The following CNOT2 variants were observed in gnomAD, a reference collection of about 807,000 sequenced individuals.
The protein encoded by CNOT2 is CCR4-NOT transcription complex subunit 2.
A neutral mutation model predicts 72.1 loss-of-function variants in CNOT2; 7 were observed. That is an observed-to-expected ratio of 0.10 (90% CI 0.06 to 0.18). The LOEUF is 0.18. Ranked by LOEUF, CNOT2 falls within the 10% of genes least tolerant of loss-of-function variation. The pLI, the probability that CNOT2 is intolerant of heterozygous loss-of-function variation, is 1.00. For missense variants in CNOT2, 345 were observed against 660.3 expected, an observed-to-expected ratio of 0.52 and a Z score of 5.23; for synonymous variants, 196 against 225.6, an observed-to-expected ratio of 0.87 and a Z score of 1.17.
chr12:70,346,142 A>T (rs1593288477), intron 14 of CNOT2, 38 bp from the exon 15 acceptor site: 1 of 1,457,472 alleles, frequency 6.9e-7, no homozygotes, highest in East Asian at 2.3e-5. Flanking sequence ...TGTAAGCCAC[A>T]GGAAAAAGTT....
intron 11 of CNOT2, among the ~76,000 whole-genome samples, chr12:70,339,443 T>G (rs923420769): frequency 1.3e-5 from 2 of 152,124 alleles, no homozygotes. Flanking sequence ...AATTCTGTGG[T>G]CAGTCATAAT....
At chr12:70,326,906 G>A (rs1879160947) in intron 4 of CNOT2, among the ~76,000 whole-genome samples, 2 of 151,818 alleles carry the variant, frequency 1.3e-5, no homozygotes, top group South Asian at 4.1e-4. Flanking sequence ...TACGGTCTCT[G>A]TCCAGTTTTA....
At chr12:70,334,516 G>A (rs989372207) in intron 7 of CNOT2, 35 of 152,058 alleles carry the variant, frequency 2.3e-4, no homozygotes, top group African/African-American at 8.2e-4. Context: ...AAAATTAATT[G>A]GGAAGTGGCA....
At position 70,335,554 on chromosome 12, in the gene CNOT2, G is replaced by A; in HGVS notation, c.766G>A (p.Ala256Thr). 1 of 1,610,470 alleles carries A rather than the reference G, an allele frequency of 6.2e-7. No homozygotes were observed. The highest frequency in any genetic ancestry group is 8.5e-7 in the Non-Finnish European group (1 of 1,177,166). ...ATTAATAAACCCCTTGGCTGGAAGA[G>A]CTCCTTATGGTAATTAAGCTTTTTA... ...TPLINPLAGR[A>T]PYVGMVTKPA... Residue 256 changes from alanine (A) to threonine (T), a missense_variant, in exon 8 of 16, where the codon GCT becomes ACT. Transcript: ENST00000229195.
At chr12:70,307,059 A>C (rs1218268365) in intron 2 of CNOT2, among the ~76,000 whole-genome samples, 1 of 152,230 alleles carries the variant, frequency 6.6e-6, no homozygotes, top group Admixed American at 6.5e-5. Flanking sequence ...ACTTATCATA[A>C]ACGGAGCTTG....
intron 2 of CNOT2, among the ~76,000 whole-genome samples, chr12:70,301,041 G>T (rs1873860162): frequency 6.6e-6 from 1 of 152,144 alleles, no homozygotes; most frequent in Admixed American, 6.5e-5. Flanking sequence ...TGGTGTATAA[G>T]AATGCTTGTG....
At chr12:70,251,515 T>C (rs934072999) in intron 1 of CNOT2, among the ~76,000 whole-genome samples, 2 of 152,086 alleles carry the variant, frequency 1.3e-5, no homozygotes, top group Non-Finnish European at 2.9e-5. Flanking sequence ...TTATCTTTTA[T>C]GTGATGAGGG....
At chr12:70,342,502 G>A in intron 13 of CNOT2, 195 bp downstream of exon 13, 1 of 600,044 alleles carries the variant, frequency 1.7e-6, no homozygotes, top group Non-Finnish European at 2.8e-6. Flanking sequence ...TTTAACAACA[G>A]GTTACAACCA....
At chr12:70,265,273 T>TCTTC (rs1229244460) in intron 1 of CNOT2, among the ~76,000 whole-genome samples, 14 of 125,382 alleles carry the variant, frequency 1.1e-4, no homozygotes, top group African/African-American at 3.1e-4. Flanking sequence ...TTCGTTTTGT[T>TCTTC]TCTTCTCTTC....
chr12:70,348,180 G>T (rs77987335), intron 15 of CNOT2: 22,149 of 152,144 alleles, frequency 0.15, 1,948 homozygotes, highest in Admixed American at 0.28. Context: ...CTAGTTTACT[G>T]CTATTGTTTT....
chr12:70,292,278 A>C (rs1872049580), intron 2 of CNOT2, among the ~76,000 whole-genome samples: 2 of 152,192 alleles, frequency 1.3e-5, no homozygotes, highest in African/African-American at 2.4e-5. Context: ...ACATCTGACA[A>C]ACCCCAACTG....
intron 2 of CNOT2, among the ~76,000 whole-genome samples, chr12:70,289,292 A>C (rs1257453862): frequency 6.6e-6 from 1 of 151,964 alleles, no homozygotes; most frequent in Non-Finnish European, 1.5e-5. Flanking sequence ...CTGTCTTCTT[A>C]TTTCCTATGA....
At chr12:70,255,140 A>G (rs1235306520) in intron 1 of CNOT2, among the ~76,000 whole-genome samples, 1 of 151,444 alleles carries the variant, frequency 6.6e-6, no homozygotes, top group African/African-American at 2.4e-5. Flanking sequence ...TGAGGTCCTG[A>G]TGCTTTCTCT....
intron 1 of CNOT2, among the ~76,000 whole-genome samples, chr12:70,254,475 C>A (rs759905491): frequency 4.6e-5 from 7 of 151,980 alleles, no homozygotes; most frequent in Non-Finnish European, 1.0e-4. Flanking sequence ...CAATTTAAAA[C>A]GTATGAATTA....
intron 2 of CNOT2, among the ~76,000 whole-genome samples, chr12:70,284,804 G>A (rs562366150): frequency 1.2e-3 from 178 of 152,212 alleles, no homozygotes; most frequent in African/African-American, 4.1e-3. Context: ...CAAAAAATAA[G>A]TTTCACCAAG....
Position 70,337,371 on chromosome 12 carries a change from A to G in CNOT2, c.776-18A>G, listed in dbSNP as rs1424898866. On this transcript the variant is annotated intron_variant, in intron 8 of 15. Transcript: ENST00000229195. ...ATAAATATCAATTGCAATTCTCCGG[A>G]TTATTTTCATTACATAGTTGGAATG... The G allele has an allele frequency of 1.3e-6, 2 of 1,596,462 alleles. No homozygotes were observed. Among genetic ancestry groups the G allele is most frequent in the Non-Finnish European group, 1.7e-6 (2 of 1,165,848 alleles).
chr12:70,347,943 C>G (rs1409499642), intron 15 of CNOT2: 2 of 152,090 alleles, frequency 1.3e-5, no homozygotes, highest in African/African-American at 2.4e-5. Context: ...AAAGCTATAG[C>G]CTTTGTATCA....
intron 2 of CNOT2, among the ~76,000 whole-genome samples, chr12:70,295,862 A>T (rs897412827): frequency 3.3e-5 from 5 of 152,178 alleles, no homozygotes; most frequent in Non-Finnish European, 7.4e-5. Flanking sequence ...TATAAAGCAT[A>T]TTGGTGCAGC....
At chr12:70,301,757 C>T (rs539039739) in intron 2 of CNOT2, 2 of 152,318 alleles carry the variant, frequency 1.3e-5, no homozygotes, top group African/African-American at 4.8e-5. Context: ...GGAGGATTCC[C>T]TCTTTTTCTA....
Sources: allele counts gnomAD v4.1 joint callset (sites outside exome capture counted in the v4.1 genomes callset), GRCh38; gene constraint gnomAD v4.1.1; transcripts MANE v1.5; gene names NCBI Gene and HGNC (gene_info 2026-07-23, HGNC 2026-07-21).